The following RFX7 variants were observed in gnomAD, a reference collection of about 807,000 sequenced individuals.
The protein encoded by RFX7 is regulatory factor X7.
In RFX7, 26 loss-of-function variants were observed where a neutral mutation model predicts 111.8. That is an observed-to-expected ratio of 0.23 (90% CI 0.17 to 0.32). RFX7 has a LOEUF of 0.32. Ranked by LOEUF, RFX7 falls within the 10% of genes least tolerant of loss-of-function variation. The pLI is 1.00. For synonymous variants in RFX7, 624 were observed against 624.4 expected (o/e 1.00, Z 0.01); for missense variants, 1,573 against 1,772.9 (o/e 0.89, Z 2.02).
chr15:56,240,106 CT>C (rs71441432), intron 2 of RFX7, among the ~76,000 whole-genome samples: 30,006 of 137,920 alleles, frequency 0.22, 3,364 homozygotes, highest in East Asian at 0.46. Flanking sequence ...TACTAGTTTT[CT>C]TTTTTTTTTT....
chr15:56,162,766 T>C (rs1354911549), intron 3 of RFX7, among the ~76,000 whole-genome samples: 1 of 152,150 alleles, frequency 6.6e-6, no homozygotes, highest in Non-Finnish European at 1.5e-5. Flanking sequence ...CATGGCCTTA[T>C]ATAAATTATT....
At chr15:56,126,040 G>GT (rs1227545372) in intron 5 of RFX7, among the ~76,000 whole-genome samples, 1 of 152,062 alleles carries the variant, frequency 6.6e-6, no homozygotes, top group Non-Finnish European at 1.5e-5. Context: ...TGTTTTCATA[G>GT]TTTTTATTTC....
At chr15:56,196,478 GA>G (rs1252237309) in intron 2 of RFX7, among the ~76,000 whole-genome samples, 1 of 151,976 alleles carries the variant, frequency 6.6e-6, no homozygotes, top group Non-Finnish European at 1.5e-5. Flanking sequence ...ATAGGCATTA[GA>G]AGTTTATCTA....
chr15:56,233,323 T>A (rs1192913325), intron 2 of RFX7, among the ~76,000 whole-genome samples: 2 of 152,072 alleles, frequency 1.3e-5, no homozygotes, highest in African/African-American at 4.8e-5. Context: ...AACCATCAGA[T>A]CTCATTAGAT....
intron 2 of RFX7, among the ~76,000 whole-genome samples, chr15:56,228,375 T>C (rs2043509278): frequency 6.6e-6 from 1 of 152,178 alleles, no homozygotes; most frequent in Non-Finnish European, 1.5e-5. Flanking sequence ...ACTATGGAAT[T>C]ATGTAATTGA....
intron 2 of RFX7, among the ~76,000 whole-genome samples, chr15:56,185,554 C>T (rs1008937894): frequency 1.3e-5 from 2 of 152,094 alleles, no homozygotes; most frequent in Non-Finnish European, 2.9e-5. Flanking sequence ...CTTCTTAACT[C>T]TAAGACTATA....
chr15:56,201,894 G>A (rs1328890541), intron 2 of RFX7, among the ~76,000 whole-genome samples: 2 of 152,140 alleles, frequency 1.3e-5, no homozygotes, highest in African/African-American at 4.8e-5. Context: ...AGCTGGGCAC[G>A]GTGGCGGGCG....
At chr15:56,171,657 G>T (rs1323781557) in intron 3 of RFX7, among the ~76,000 whole-genome samples, 1 of 152,146 alleles carries the variant, frequency 6.6e-6, no homozygotes, top group Non-Finnish European at 1.5e-5. Context: ...CTGGCACACA[G>T]AAGTCTAAAA....
Position 56,098,300 on chromosome 15 carries a change from A to G in RFX7, c.888T>C (p.Thr296=), listed in dbSNP as rs373187285. The change falls in exon 9 of 10, where the codon ACT becomes ACC. Residue 296 remains threonine, a synonymous_variant. Coordinates refer to ENST00000559447, the MANE Select transcript of RFX7 (RefSeq NM_022841.7). ...GTTTAGCATCAATTGGAGATGGCAA[A>G]GTCTTCACCTGAGGCTGAAAGGAAT... ...ESNSFQPQVK[T]LPSPIDAKQQ... 9.9e-6 allele frequency: 16 copies of G among 1,613,670 alleles called. No individual in the cohort carries two copies. The highest frequency in any genetic ancestry group is 9.3e-5 in the African/African-American group (7 of 74,920).
At chr15:56,146,638 GA>G (rs1183935907) in intron 3 of RFX7, among the ~76,000 whole-genome samples, 1 of 152,040 alleles carries the variant, frequency 6.6e-6, no homozygotes, top group East Asian at 1.9e-4. Context: ...AGAAATTTCA[GA>G]AGATGTTCTA....
At chr15:56,238,921 C>A (rs755029393) in intron 2 of RFX7, among the ~76,000 whole-genome samples, 40 of 152,144 alleles carry the variant, frequency 2.6e-4, no homozygotes, top group Non-Finnish European at 4.9e-4. Context: ...GCAACCTCCA[C>A]CTCCTGGGTT....
At position 56,101,576 on chromosome 15, in the gene RFX7, G is replaced by C; in HGVS notation, c.604-10C>G. The C allele has an allele frequency of 6.2e-7, 1 of 1,603,356 alleles. No homozygotes were observed. The highest frequency in any genetic ancestry group is 8.5e-7 in the Non-Finnish European group (1 of 1,173,532). On this transcript the variant is annotated splice_polypyrimidine_tract_variant and intron_variant, in intron 7 of 9. Transcript: ENST00000559447. ...GTTCAGCTCCTTCCAACTAGGCAAA[G>C]AAAAAAGGAAATGTTAACTTGTAAA...
In RFX7 at chr15:56,220,930, T is replaced by C. The variant is rs560487721; in HGVS notation, c.161+22195A>G. On this transcript the variant is annotated intron_variant, in intron 2 of 9. Coordinates refer to ENST00000559447, the MANE Select transcript of RFX7 (RefSeq NM_022841.7). ...AGTTATCCTAGCAACATTTATTGAATAGGGAGTCCTTTTCCCATTGCTTGT... is the reference window on the plus strand; with the variant it reads ...AGTTATCCTAGCAACATTTATTGAACAGGGAGTCCTTTTCCCATTGCTTGT... Among the ~76,000 whole-genome samples, 14 of 152,358 alleles carry C rather than the reference T, an allele frequency of 9.2e-5. No individual in the cohort carries two copies. In the South Asian group the frequency reaches 2.7e-3, roughly 29 times the overall value.
At chr15:56,232,509 T>C (rs1168815876) in intron 2 of RFX7, among the ~76,000 whole-genome samples, 4 of 152,144 alleles carry the variant, frequency 2.6e-5, no homozygotes, top group Non-Finnish European at 5.9e-5. Context: ...ATTTTCCCCA[T>C]TGTCTTGGTG....
intron 2 of RFX7, among the ~76,000 whole-genome samples, chr15:56,232,305 C>T (rs1272749062): frequency 6.6e-6 from 1 of 152,230 alleles, no homozygotes; most frequent in Non-Finnish European, 1.5e-5. Flanking sequence ...TGTTTCCATA[C>T]ATCCTCTGAA....
rs556399312 is a variant in RFX7 at position 56,182,988 on chromosome 15, C to T, written c.162-3685G>A. ...TAGTTCCTATTTTCTTATTACCTTG[C>T]ATATATATGCCATTTATACATGATA... On this transcript the variant is annotated intron_variant, in intron 2 of 9. Transcript: ENST00000559447. Among the ~76,000 whole-genome samples, 6 of 152,142 alleles carry T rather than the reference C, an allele frequency of 3.9e-5. No individual in the cohort carries two copies. The East Asian group carries it at 5.8e-4, about 15-fold the overall frequency.
chr15:56,114,171 G>A (rs966586926), intron 5 of RFX7, among the ~76,000 whole-genome samples: 8 of 152,040 alleles, frequency 5.3e-5, no homozygotes, highest in African/African-American at 1.7e-4. Flanking sequence ...CTGGGAGGCC[G>A]AGGTGGGCGA....
rs1425037426 is a variant in RFX7 at position 56,179,291 on chromosome 15, T to C, written c.174A>G (p.Gln58=). 1.5e-5 allele frequency: 19 copies of C among 1,291,758 alleles called. No individual in the cohort carries two copies. Among genetic ancestry groups the C allele is most frequent in the African/African-American group, 3.1e-5 (2 of 65,268 alleles). The allele number at this position is 1,291,758 out of a possible 1,614,324, so 80.0% of individuals were successfully genotyped here. A position where few individuals can be genotyped will look rare whatever the true frequency, so the allele number is the denominator to read the frequency against. Residue 58 remains glutamine, a synonymous_variant, in exon 3 of 10, where the codon CAA becomes CAG. Coordinates refer to ENST00000559447, the MANE Select transcript of RFX7 (RefSeq NM_022841.7). ...TTACCAAAATGCAGTCCACTTTAGA[T>C]TGTACAGTTTTGCTAAAAGAAAGAG... The part of the protein sequence containing the change: ...KIKNSICKTV[Q]SKVDCILQEV...
At chr15:56,214,508 G>T (rs1363031242) in intron 2 of RFX7, among the ~76,000 whole-genome samples, 1 of 151,924 alleles carries the variant, frequency 6.6e-6, no homozygotes, top group African/African-American at 2.4e-5. Flanking sequence ...GAGGTCAGGA[G>T]ATCGAGACCA....
Sources: allele counts gnomAD v4.1 joint callset (sites outside exome capture counted in the v4.1 genomes callset), GRCh38; gene constraint gnomAD v4.1.1; transcripts MANE v1.5; gene names NCBI Gene and HGNC (gene_info 2026-07-23, HGNC 2026-07-21).